CDK17: variants seen among roughly 807,000 people sequenced by gnomAD.
The protein encoded by CDK17 is cyclin-dependent kinase 17.
In CDK17, 24 loss-of-function variants were observed where a neutral mutation model predicts 77.6. The ratio of observed to expected loss-of-function variants is 0.31; its 90% CI spans 0.22 to 0.44. The LOEUF (loss-of-function observed/expected upper bound fraction) is 0.44, where lower values mean the gene tolerates loss of function less well. Ranked by LOEUF, CDK17 falls within the 20% of genes least tolerant of loss-of-function variation. The pLI is 1.00. For missense variants in CDK17, 429 were observed against 622.5 expected, an observed-to-expected ratio of 0.69 and a Z score of 3.31; for synonymous variants, 203 against 210.4, an observed-to-expected ratio of 0.96 and a Z score of 0.30.
At chr12:96,393,379 A>AAAAAAAAT (rs1954108207) in intron 1 of CDK17, among the ~76,000 whole-genome samples, 1 of 148,122 alleles carries the variant, frequency 6.8e-6, no homozygotes, top group African/African-American at 2.5e-5. Flanking sequence ...AAAAAAAAAA[A>AAAAAAAAT]GCTAATTTAA....
chr12:96,358,994 C>G (rs1030878427), intron 1 of CDK17, among the ~76,000 whole-genome samples: 4 of 146,012 alleles, frequency 2.7e-5, no homozygotes, highest in African/African-American at 1.0e-4. Context: ...TTTTTTTTTC[C>G]TGAAACAAAT....
intron 1 of CDK17, among the ~76,000 whole-genome samples, chr12:96,383,569 GAC>G (rs1337196012): frequency 6.6e-6 from 1 of 152,076 alleles, no homozygotes; most frequent in Non-Finnish European, 1.5e-5. Context: ...TACAAAAACA[GAC>G]ACACAGACCA....
At chr12:96,351,653 AC>A (rs942444424) in intron 1 of CDK17, among the ~76,000 whole-genome samples, 2 of 152,234 alleles carry the variant, frequency 1.3e-5, no homozygotes, top group African/African-American at 4.8e-5. Context: ...CTTAAAAATA[AC>A]TAAAATGGCA....
chr12:96,297,234 AC>A (rs770035258), intron 9 of CDK17, 35 bp downstream of exon 9: 7 of 1,436,292 alleles, frequency 4.9e-6, no homozygotes, highest in Non-Finnish European at 6.8e-6. Context: ...TATGCTTTAA[AC>A]AAAATTTAAA....
At chr12:96,339,404 A>G (rs1236589517) in intron 1 of CDK17, among the ~76,000 whole-genome samples, 1 of 152,028 alleles carries the variant, frequency 6.6e-6, no homozygotes, top group African/African-American at 2.4e-5. Flanking sequence ...TTTAATGGGT[A>G]CAGAGTTTAC....
intron 1 of CDK17, among the ~76,000 whole-genome samples, chr12:96,363,703 A>G (rs1953535279): frequency 6.6e-6 from 1 of 152,004 alleles, no homozygotes; most frequent in South Asian, 2.1e-4. Flanking sequence ...ACAAAAAATT[A>G]GCTGGGTATG....
intron 1 of CDK17, among the ~76,000 whole-genome samples, chr12:96,357,876 T>TCA (rs1324352514): frequency 6.6e-6 from 1 of 152,148 alleles, no homozygotes; most frequent in Non-Finnish European, 1.5e-5. Flanking sequence ...ACAGAAATAG[T>TCA]CACAGCAACA....
chr12:96,295,425 A>C (rs1388004956), intron 9 of CDK17: 1 of 168,480 alleles, frequency 5.9e-6, no homozygotes, highest in Non-Finnish European at 1.3e-5. Flanking sequence ...AAATGACTTA[A>C]AAAAAAAAAC....
chr12:96,377,739 G>A (rs1006160449), intron 1 of CDK17, among the ~76,000 whole-genome samples: 1 of 147,004 alleles, frequency 6.8e-6, no homozygotes, highest in East Asian at 2.0e-4. Context: ...TGTCGCCCAG[G>A]CTGGAGTGCA....
At chr12:96,342,740 G>A (rs761906141) in intron 1 of CDK17, among the ~76,000 whole-genome samples, 63 of 151,828 alleles carry the variant, frequency 4.1e-4, no homozygotes, top group Non-Finnish European at 6.6e-4. Context: ...CAAGGCAGGC[G>A]GATCACCTGA....
At chr12:96,324,193 C>A in intron 2 of CDK17, 81 bp from the exon 3 acceptor site, 1 of 1,119,288 alleles carries the variant, frequency 8.9e-7, no homozygotes, top group Non-Finnish European at 1.2e-6. Context: ...GAAAGCAAAA[C>A]AAAAAGTTGT....
intron 5 of CDK17, among the ~76,000 whole-genome samples, chr12:96,304,196 T>C (rs11108458): frequency 0.14 from 21,154 of 152,136 alleles, 1,641 homozygotes; most frequent in South Asian, 0.28. Context: ...AGCTTCTGTA[T>C]GTACAGAGGA....
At chr12:96,361,859 T>G (rs189249164) in intron 1 of CDK17, among the ~76,000 whole-genome samples, 162 of 152,316 alleles carry the variant, frequency 1.1e-3, no homozygotes, top group African/African-American at 3.6e-3. Flanking sequence ...AAGAGAAGAT[T>G]AATGTGGATT....
intron 8 of CDK17, 38 bp downstream of exon 8, chr12:96,297,589 A>C: frequency 7.8e-7 from 1 of 1,286,098 alleles, no homozygotes; most frequent in Non-Finnish European, 1.1e-6. Flanking sequence ...TGTTTTTCTA[A>C]AGTAAAGTTA....
Position 96,400,360 on chromosome 12 carries a change from CGCGGGGAGCTCAGGAGACT to C in CDK17, c.-423_-405del. On this transcript the variant is annotated 5_prime_UTR_variant, in exon 1 of 17. Coordinates refer to ENST00000261211, the MANE Select transcript of CDK17 (RefSeq NM_002595.5). ...CCTTCTCCGCGGCTCTGCGGCGGCC[CGCGGGGAGCTCAGGAGACT>C]GCGGGCGGCCGCGTTCGCTCCTTGC... 2.6e-6 allele frequency: 1 copy of C among 386,124 alleles called. No homozygotes were observed. The highest frequency in any genetic ancestry group is 4.6e-6 in the Non-Finnish European group (1 of 218,350). 23.9% of individuals were successfully genotyped at this position (386,124 alleles called of 1,614,324 possible). A position where few individuals can be genotyped will look rare whatever the true frequency, so the allele number is the denominator to read the frequency against.
At chr12:96,283,531 T>C in intron 14 of CDK17, 72 bp downstream of exon 14, 1 of 855,246 alleles carries the variant, frequency 1.2e-6, no homozygotes, top group Middle Eastern at 2.2e-4. Flanking sequence ...GAAGTACTAC[T>C]GAGCCCATTC....
intron 1 of CDK17, among the ~76,000 whole-genome samples, chr12:96,375,320 C>A (rs1953760856): frequency 6.6e-6 from 1 of 151,980 alleles, no homozygotes; most frequent in Non-Finnish European, 1.5e-5. Flanking sequence ...TTCTTCCAAC[C>A]TCTCTGGCCA....
At chr12:96,384,795 T>C (rs1257415136) in intron 1 of CDK17, among the ~76,000 whole-genome samples, 1 of 152,078 alleles carries the variant, frequency 6.6e-6, no homozygotes, top group Non-Finnish European at 1.5e-5. Flanking sequence ...GCAAGAGGAC[T>C]GCTTGAGCCC....
intron 1 of CDK17, among the ~76,000 whole-genome samples, chr12:96,365,785 T>A (rs1048044183): frequency 5.3e-5 from 8 of 152,240 alleles, no homozygotes; most frequent in Non-Finnish European, 7.3e-5. Context: ...CATGCACCTA[T>A]CATCCCAGCT....
Sources: gnomAD v4.1 joint callset for allele counts (sites outside exome capture counted in the v4.1 genomes callset) on GRCh38, gnomAD v4.1.1 for gene constraint, MANE v1.5 for transcripts, NCBI Gene and HGNC (gene_info 2026-07-23, HGNC 2026-07-21) for gene names.